Variants in TP53BP1 observed in about 807,000 individuals in gnomAD.
TP53BP1 encodes the protein TP53-binding protein 1.
A neutral mutation model predicts 200.8 loss-of-function variants in TP53BP1; 61 were observed. The observed-to-expected ratio is 0.30, with a 90% confidence interval of 0.25 to 0.38. The LOEUF (loss-of-function observed/expected upper bound fraction) is 0.38. Among genes scored for constraint, TP53BP1 ranks in the 10% least tolerant of loss-of-function variants. The pLI is 1.00. For missense variants in TP53BP1, 2,144 were observed against 2,371.9 expected, an observed-to-expected ratio of 0.90 and a Z score of 2.00; for synonymous variants, 822 against 844.3, an observed-to-expected ratio of 0.97 and a Z score of 0.46.
At chr15:43,478,772 A>C (rs1313754370) in intron 7 of TP53BP1, among the ~76,000 whole-genome samples, 1 of 152,236 alleles carries the variant, frequency 6.6e-6, no homozygotes, top group Non-Finnish European at 1.5e-5. Flanking sequence ...AGGCTTTCAA[A>C]TAAAATAGTC....
In TP53BP1 at chr15:43,408,960, T is replaced by C; in HGVS notation, c.5537A>G (p.Gln1846Arg). The C allele has an allele frequency of 6.2e-7, 1 of 1,614,220 alleles. No homozygotes were observed. The highest frequency in any genetic ancestry group is 8.5e-7 in the Non-Finnish European group (1 of 1,180,036). Residue 1846 changes from glutamine (Q) to arginine (R), a missense_variant, in exon 26 of 28, where the codon CAG becomes CGG. By Grantham distance (43) the Gln-to-Arg change is conservative (BLOSUM62 1). Transcript: ENST00000382044. The stretch of plus-strand genomic sequence containing the variant: ...TGGCAACAGATAATTACGGTAGTTC[T>C]GGAGCTGGTTGGCATGGCAACTATC... ...VHDSCHANQL[Q>R]NYRNYLLPAG...
intron 24 of TP53BP1, among the ~76,000 whole-genome samples, chr15:43,411,386 C>T (rs1482876466): frequency 6.6e-6 from 1 of 152,156 alleles, no homozygotes; most frequent in Non-Finnish European, 1.5e-5. Context: ...TGGTGTGCCA[C>T]CCAACAAGAT....
At chr15:43,427,957 C>CAAAAAA in intron 18 of TP53BP1, 59 bp downstream of exon 18, 9 of 1,000,420 alleles carry the variant, frequency 9.0e-6, no homozygotes, top group Admixed American at 2.9e-5. Context: ...ACCCTGTCTC[C>CAAAAAA]AAAAAAAAAA....
At chr15:43,417,081 T>G (rs529440483) in intron 21 of TP53BP1, 1 of 152,452 alleles carries the variant, frequency 6.6e-6, no homozygotes, top group African/African-American at 2.4e-5. Context: ...CACCAAGCTG[T>G]GTGATCTTGG....
At chr15:43,465,817 GTTGTT>G (rs936960098) in intron 11 of TP53BP1, among the ~76,000 whole-genome samples, 10 of 119,812 alleles carry the variant, frequency 8.3e-5, no homozygotes, top group Non-Finnish European at 1.6e-4. Flanking sequence ...TGTTGTTGTT[GTTGTT>G]TTGTTTTGTT....
chr15:43,456,785 C>A lies in TP53BP1; in HGVS notation c.1823G>T (p.Gly608Val), dbSNP rs926371152. The change falls in exon 12 of 28, where the codon GGT becomes GTT. Residue 608 changes from glycine (G) to valine (V), a missense_variant. By Grantham distance (109) the Gly-to-Val change is moderately radical. Around this residue, in one of 4 missense-constraint regions of TP53BP1, gnomAD observed 1,700 missense variants for 1,710.3 expected, o/e 0.99. Coordinates refer to ENST00000382044, the MANE Select transcript of TP53BP1 (RefSeq NM_001141980.3). ...TACCGTTTCTTCTCTGCCCTTGCAA[C>A]CAGTGGCTAAAATACTAATGTCATC... Reference protein sequence around the residue: ...TRDDISILATGCKGREETVAE... With the variant: ...TRDDISILATVCKGREETVAE... 1 of 1,614,054 alleles carries A rather than the reference C, an allele frequency of 6.2e-7. No individual in the cohort carries two copies. The highest frequency in any genetic ancestry group is 1.3e-5 in the African/African-American group (1 of 75,054).
chr15:43,459,338 A>G (rs2046375262), intron 11 of TP53BP1, among the ~76,000 whole-genome samples: 1 of 152,028 alleles, frequency 6.6e-6, no homozygotes, highest in South Asian at 2.1e-4. Flanking sequence ...GTCTGTCTCC[A>G]AAAAAAAGAT....
chr15:43,463,310 A>G (rs754875853), intron 11 of TP53BP1, among the ~76,000 whole-genome samples: 5 of 152,150 alleles, frequency 3.3e-5, no homozygotes, highest in Admixed American at 1.3e-4. Context: ...GGAAAGAAAG[A>G]AAAAAATAGA....
chr15:43,495,534 A>AC (rs1566970727), upstream of TP53BP1, among the ~76,000 whole-genome samples: 231 of 102,974 alleles, frequency 2.2e-3, no homozygotes, highest in Middle Eastern at 0.023. Context: ...CACACACACA[A>AC]AAGCCAGGTG....
Position 43,455,895 on chromosome 15 carries a change from T to G in TP53BP1, c.2713A>C (p.Ser905Arg). 5.6e-6 allele frequency: 9 copies of G among 1,613,888 alleles called. No individual in the cohort carries two copies. Among genetic ancestry groups the G allele is most frequent in the Non-Finnish European group, 7.6e-6 (9 of 1,179,966 alleles). Residue 905 changes from serine to arginine, a missense_variant, in exon 12 of 28, where the codon AGT becomes CGT. Physicochemically the swap from Ser to Arg is moderately radical, Grantham distance 110. Coordinates refer to ENST00000382044, the MANE Select transcript of TP53BP1 (RefSeq NM_001141980.3). ...AATAATCTACAATCACACTCACCAC[T>G]AGAACTTTCACAGAAGCTTTGTGAG... ...HASQSFCESS[S>R]ETPFHFTLPK...
At chr15:43,459,661 T>C (rs1459554073) in intron 11 of TP53BP1, among the ~76,000 whole-genome samples, 5 of 151,626 alleles carry the variant, frequency 3.3e-5, no homozygotes, top group African/African-American at 1.2e-4. Context: ...CATGAAATTC[T>C]TTTTTTTCTT....
chr15:43,413,693 G>A (rs1254596001), intron 23 of TP53BP1, among the ~76,000 whole-genome samples: 2 of 152,068 alleles, frequency 1.3e-5, no homozygotes, highest in Non-Finnish European at 2.9e-5. Context: ...AATAGTAGGT[G>A]AGAGTGAAAA....
rs1334663125 is a variant in TP53BP1 at position 43,407,243 on chromosome 15, T to C, written c.*140A>G. On this transcript the variant is annotated 3_prime_UTR_variant, in exon 28 of 28. Transcript: ENST00000382044. ...TACAACCAAAGAGATTCAACATTTA[T>C]TTTATCATAAAAGTTCAGCAAATAA... The C allele has an allele frequency of 1.5e-5, 11 of 714,948 alleles. No homozygotes were observed. Among genetic ancestry groups the C allele is most frequent in the Middle Eastern group, 3.6e-4 (1 of 2,812 alleles). The allele number at this position is 714,948 out of a possible 1,614,324, so 44.3% of individuals were successfully genotyped here.
chr15:43,476,069 A>T (rs941804451), intron 8 of TP53BP1, among the ~76,000 whole-genome samples: 1 of 152,178 alleles, frequency 6.6e-6, no homozygotes, highest in African/African-American at 2.4e-5. Flanking sequence ...GTTCAAGACT[A>T]GCCAGACCAA....
At chr15:43,457,883 G>T (rs1444468231) in intron 11 of TP53BP1, among the ~76,000 whole-genome samples, 3 of 151,680 alleles carry the variant, frequency 2.0e-5, no homozygotes, top group Non-Finnish European at 1.5e-5. Flanking sequence ...GCCGGGTGGG[G>T]TGGTGCATGG....
rs56813954 is a variant in TP53BP1, at chr15:43,409,748, TAA to T, written c.5306-9_5306-8del. On this transcript the variant is annotated splice_region_variant and splice_polypyrimidine_tract_variant and intron_variant, in intron 24 of 27. Transcript: ENST00000382044. The stretch of plus-strand genomic sequence containing the variant: ...GGAGGAATTTCCAAAAATTCTATAT[TAA>T]AAAAAAAAACCAAGATAATAATTAC... The T allele has an allele frequency of 4.5e-4, 556 of 1,222,146 alleles. No individual in the cohort carries two copies. The highest frequency in any genetic ancestry group is 1.2e-3 in the Middle Eastern group (5 of 4,328). 75.7% of individuals were successfully genotyped at this position (1,222,146 alleles called of 1,614,324 possible).
intron 12 of TP53BP1, among the ~76,000 whole-genome samples, 169 bp downstream of exon 12, chr15:43,455,723 A>C (rs1035098022): frequency 6.6e-6 from 1 of 151,674 alleles, no homozygotes. Flanking sequence ...TCTGTCTCAA[A>C]AAAAAAAAAA....
chr15:43,456,902 T>C lies in TP53BP1; in HGVS notation c.1706A>G (p.Asn569Ser), dbSNP rs1361484332. 1.2e-6 allele frequency: 2 copies of C among 1,614,104 alleles called. No individual in the cohort carries two copies. Among genetic ancestry groups the C allele is most frequent in the East Asian group, 2.2e-5 (1 of 44,892 alleles). Residue 569 changes from asparagine (N) to serine (S), a missense_variant, in exon 12 of 28, where the codon AAT (asparagine) becomes AGT (serine). This residue lies in a region of TP53BP1 where 1,700 missense variants were observed against 1,710.3 expected (regional missense o/e 0.99). Transcript: ENST00000382044. ...TGCTGGATTCATCAGGATACTATCA[T>C]TTTCAGCAGGAACAAATTTAGAATT... ...VLNSKFVPAE[N>S]DSILMNPAQD... is the part of the protein sequence containing the mutation.
intron 11 of TP53BP1, among the ~76,000 whole-genome samples, chr15:43,469,468 C>T (rs1377325865): frequency 6.6e-6 from 1 of 151,848 alleles, no homozygotes; most frequent in African/African-American, 2.4e-5. Flanking sequence ...CATGTGGGGG[C>T]ACATATCGTC....
Sources: gnomAD v4.1 joint callset for allele counts (sites outside exome capture counted in the v4.1 genomes callset) on GRCh38, gnomAD v4.1.1 for gene constraint, gnomAD v4.1.1 regional missense constraint, MANE v1.5 for transcripts, NCBI Gene and HGNC (gene_info 2026-07-23, HGNC 2026-07-21) for gene names.